The following REV3L variants were observed in gnomAD, a reference collection of about 807,000 sequenced individuals.
REV3L encodes the protein DNA polymerase zeta catalytic subunit.
A neutral mutation model predicts 299.4 loss-of-function variants in REV3L; 69 were observed. That is an observed-to-expected ratio of 0.23 (90% CI 0.19 to 0.28). The LOEUF (loss-of-function observed/expected upper bound fraction) is 0.28, where lower values mean the gene tolerates loss of function less well. Ranked by LOEUF, REV3L falls within the 10% of genes least tolerant of loss-of-function variation. The pLI, the probability that REV3L is intolerant of heterozygous loss-of-function variation, is 1.00. For synonymous variants in REV3L, 1,238 were observed against 1,271.4 expected, an observed-to-expected ratio of 0.97 and a Z score of 0.56; for missense variants, 3,128 against 3,693.8, an observed-to-expected ratio of 0.85 and a Z score of 3.97.
intron 1 of REV3L, among the ~76,000 whole-genome samples, chr6:111,454,902 G>C (rs969241287): frequency 6.6e-5 from 10 of 152,218 alleles, no homozygotes; most frequent in African/African-American, 1.9e-4. Context: ...CCAACCTCAG[G>C]TGATCCACCC....
At chr6:111,479,521 T>G (rs1028947195) in intron 1 of REV3L, among the ~76,000 whole-genome samples, 3 of 151,224 alleles carry the variant, frequency 2.0e-5, no homozygotes, top group African/African-American at 7.3e-5. Context: ...TTTTTTTTTT[T>G]TTTTTTAAGA....
At chr6:111,466,704 T>C (rs535530267) in intron 1 of REV3L, among the ~76,000 whole-genome samples, 15 of 152,184 alleles carry the variant, frequency 9.9e-5, no homozygotes, top group African/African-American at 3.6e-4. Context: ...AGGTATGGTG[T>C]GGTGGCACAT....
chr6:111,358,409 A>C (rs571532681), intron 17 of REV3L, among the ~76,000 whole-genome samples: 1 of 152,114 alleles, frequency 6.6e-6, no homozygotes, highest in Non-Finnish European at 1.5e-5. Context: ...AAATTATATA[A>C]GATAATTATA....
chr6:111,368,076 A>G (rs1779407797), intron 13 of REV3L, 48 bp from the exon 14 acceptor site: 2 of 1,473,590 alleles, frequency 1.4e-6, no homozygotes, highest in Non-Finnish European at 1.8e-6. Flanking sequence ...AAGAGCAATT[A>G]CCAAAATATT....
intron 1 of REV3L, among the ~76,000 whole-genome samples, chr6:111,429,715 T>TCGCGGGCCC (rs1786640640): frequency 6.6e-6 from 1 of 152,118 alleles, no homozygotes. Flanking sequence ...GAGAGGGGCC[T>TCGCGGGCCC]CGCGGGCCCC....
chr6:111,480,316 T>A (rs976958575), intron 1 of REV3L, among the ~76,000 whole-genome samples: 1 of 152,254 alleles, frequency 6.6e-6, no homozygotes, highest in African/African-American at 2.4e-5. Flanking sequence ...ACCATGTTTA[T>A]ATCTTTGCAT....
rs749088327 is a variant in REV3L at position 111,374,801 on chromosome 6, G to A, written c.3554C>T (p.Ser1185Phe). Residue 1185 changes from serine (S) to phenylalanine (F), a missense_variant, in exon 13 of 32, where the codon TCT becomes TTT. Transcript: ENST00000368802. ...KKSKAKLANPSIVTKKRNKRN... is the reference protein window; with the variant it reads ...KKSKAKLANPFIVTKKRNKRN... ...TTTGTTCCTTTTCTTAGTAACTATA[G>A]AGGGATTAGCAAGCTTTGCTTTTGA... 6.2e-7 allele frequency: 1 copy of A among 1,612,992 alleles called. No homozygotes were observed. The highest frequency in any genetic ancestry group is 8.5e-7 in the Non-Finnish European group (1 of 1,179,746).
At chr6:111,455,007 A>T (rs1790005549) in intron 1 of REV3L, among the ~76,000 whole-genome samples, 1 of 152,120 alleles carries the variant, frequency 6.6e-6, no homozygotes, top group Admixed American at 6.5e-5. Context: ...AATAAGCACT[A>T]AGGACACAAA....
At chr6:111,330,370 A>G (rs1775258046) in intron 24 of REV3L, 2 of 441,544 alleles carry the variant, frequency 4.5e-6, no homozygotes, top group Admixed American at 2.4e-5. Context: ...AAAAAAAATC[A>G]TTTGTATTCA....
chr6:111,348,154 C>T (rs1462655618), intron 20 of REV3L, among the ~76,000 whole-genome samples: 1 of 151,864 alleles, frequency 6.6e-6, no homozygotes, highest in African/African-American at 2.4e-5. Flanking sequence ...GCTATGTTAC[C>T]CAGGATGGTC....
chr6:111,411,373 G>A (rs536164413), intron 3 of REV3L, 107 bp downstream of exon 3: 1 of 722,878 alleles, frequency 1.4e-6, no homozygotes, highest in African/African-American at 1.8e-5. Flanking sequence ...TACGGTCTCT[G>A]TCTTTAATAA....
chr6:111,369,857 T>TG (rs1264082439), intron 13 of REV3L, among the ~76,000 whole-genome samples: 2 of 152,174 alleles, frequency 1.3e-5, no homozygotes, highest in East Asian at 1.9e-4. Flanking sequence ...TTTTTTTTTT[T>TG]GAGACAGTCT....
At position 111,367,325 on chromosome 6, in the gene REV3L, A is replaced by G. The variant is rs751323719; in HGVS notation, c.6463T>C (p.Leu2155=). 1.9e-6 allele frequency: 3 copies of G among 1,608,058 alleles called. No individual in the cohort carries two copies. Among genetic ancestry groups the G allele is most frequent in the Non-Finnish European group, 2.5e-6 (3 of 1,177,966 alleles). Reference sequence around the variant, plus strand: ...GGCTTTAAGAAGTTCTCAAAAGCCAATGAAGGCAGCTCCTCTACTGGTGAT... The same window carrying G: ...GGCTTTAAGAAGTTCTCAAAAGCCAGTGAAGGCAGCTCCTCTACTGGTGAT... ...PSSPVEELPS[L]AFENFLKPIK... Residue 2155 remains leucine (L), a synonymous_variant, in exon 14 of 32, where the codon TTG becomes CTG. Transcript: ENST00000368802.
intron 28 of REV3L, chr6:111,312,207 T>A (rs1160835909): frequency 1.3e-5 from 2 of 152,184 alleles, no homozygotes; most frequent in Non-Finnish European, 2.9e-5. Flanking sequence ...TTGAGTACAA[T>A]TCTGCCTACA....
intron 2 of REV3L, among the ~76,000 whole-genome samples, chr6:111,415,516 G>A (rs1784667340): frequency 6.6e-6 from 1 of 152,108 alleles, no homozygotes; most frequent in Non-Finnish European, 1.5e-5. Flanking sequence ...ATATTCTCAT[G>A]GCTGTAAAAC....
At chr6:111,386,293 C>A (rs998130920) in intron 9 of REV3L, among the ~76,000 whole-genome samples, 1 of 152,068 alleles carries the variant, frequency 6.6e-6, no homozygotes, top group Non-Finnish European at 1.5e-5. Flanking sequence ...CAGTCATCAG[C>A]AGCTAAAATG....
At position 111,482,953 on chromosome 6, in the gene REV3L, G is replaced by A. The variant is rs1460698367; in HGVS notation, c.-65C>T. ...CGGCAGCGGCAGCAGCAGCGGCGGC[G>A]GCTCCCTCCGCAGCGGCGGCGGCGC... is the stretch of plus-strand genomic sequence containing the variant. On this transcript the variant is annotated 5_prime_UTR_variant, in exon 1 of 32. Coordinates refer to ENST00000368802, the MANE Select transcript of REV3L (RefSeq NM_001372078.1). The A allele has an allele frequency of 6.9e-7, 1 of 1,446,656 alleles. No homozygotes were observed. The highest frequency in any genetic ancestry group is 2.9e-5 in the East Asian group (1 of 34,868). 89.6% of individuals were successfully genotyped at this position (1,446,656 alleles called of 1,614,324 possible).
Position 111,374,011 on chromosome 6 carries a change from A to G in REV3L, c.4344T>C (p.Ala1448=), listed in dbSNP as rs778987326. 4 of 1,614,120 alleles carry G rather than the reference A, an allele frequency of 2.5e-6. No individual in the cohort carries two copies. The highest frequency in any genetic ancestry group is 4.5e-5 in the East Asian group (2 of 44,874). Reference sequence around the variant, plus strand: ...TATTAGGCATTTGGCTTTCCTCTGAAGCTGTATTTCCCGGAGAACAAGTTT... The same window carrying G: ...TATTAGGCATTTGGCTTTCCTCTGAGGCTGTATTTCCCGGAGAACAAGTTT... ...HSETCSPGNT[A]SEESQMPNNC... The change falls in exon 13 of 32, where the codon GCT becomes GCC. Residue 1448 remains alanine (A), a synonymous_variant. Transcript: ENST00000368802.
At chr6:111,300,687 T>C (rs1395625874) in intron 31 of REV3L, among the ~76,000 whole-genome samples, 1 of 152,220 alleles carries the variant, frequency 6.6e-6, no homozygotes, top group African/African-American at 2.4e-5. Flanking sequence ...TCTCTGAACA[T>C]GAATTGTGAA....
Sources: gnomAD v4.1 joint callset for allele counts (sites outside exome capture counted in the v4.1 genomes callset) on GRCh38, gnomAD v4.1.1 for gene constraint, MANE v1.5 for transcripts, NCBI Gene and HGNC (gene_info 2026-07-23, HGNC 2026-07-21) for gene names.